ULK4: variants seen among roughly 807,000 people sequenced by gnomAD.
ULK4 encodes the protein unc-51 like kinase 4.
In ULK4, 133 loss-of-function variants were observed where a neutral mutation model predicts 160.6. The ratio of observed to expected loss-of-function variants is 0.83; its 90% confidence interval spans 0.72 to 0.96. The LOEUF is 0.96. Among genes scored for constraint, ULK4 ranks in the 40% least tolerant of loss-of-function variants. The pLI is 0.00. For synonymous variants in ULK4, 534 were observed against 539.8 expected, an observed-to-expected ratio of 0.99 and a Z score of 0.15; for missense variants, 1,580 against 1,499.5, an observed-to-expected ratio of 1.05 and a Z score of -0.89.
chr3:41,686,729 G>C (rs546721947), intron 27 of ULK4, among the ~76,000 whole-genome samples: 1 of 152,106 alleles, frequency 6.6e-6, no homozygotes, highest in Admixed American at 6.6e-5. Context: ...AAGAGAGAAC[G>C]GCTCCAAGGG....
At chr3:41,754,834 TG>T (rs1245835495) in intron 21 of ULK4, among the ~76,000 whole-genome samples, 1 of 152,176 alleles carries the variant, frequency 6.6e-6, no homozygotes, top group African/African-American at 2.4e-5. Context: ...ACTGGAAATG[TG>T]GCAGCAAATA....
At chr3:41,847,567 C>A (rs1291977607) in intron 17 of ULK4, among the ~76,000 whole-genome samples, 2 of 152,096 alleles carry the variant, frequency 1.3e-5, no homozygotes, top group Non-Finnish European at 2.9e-5. Flanking sequence ...CTTCCCTAAC[C>A]CCTGAAATAA....
At chr3:41,379,612 A>T (rs1002464042) in intron 35 of ULK4, among the ~76,000 whole-genome samples, 1 of 152,190 alleles carries the variant, frequency 6.6e-6, no homozygotes, top group African/African-American at 2.4e-5. Flanking sequence ...GATCTATGAC[A>T]TACGTTTGGG....
intron 17 of ULK4, among the ~76,000 whole-genome samples, chr3:41,874,673 T>C (rs527636135): frequency 2.0e-5 from 3 of 152,248 alleles, no homozygotes; most frequent in Admixed American, 2.0e-4. Context: ...TGCAAAGGTA[T>C]ACAGAATGGT....
At chr3:41,425,187 A>G (rs775025154) in intron 34 of ULK4, among the ~76,000 whole-genome samples, 1 of 152,192 alleles carries the variant, frequency 6.6e-6, no homozygotes, top group Non-Finnish European at 1.5e-5. Context: ...CAAGCAGAGG[A>G]AAGAATTTCA....
rs532428886 is a variant in ULK4, at chr3:41,312,819, C to CAA, written c.3679-63247_3679-63246dup. Among the ~76,000 whole-genome samples the CAA allele has an allele frequency of 3.2e-3, 493 of 152,084 alleles. 3 individuals carry two copies. The highest frequency in any genetic ancestry group is 0.011 in the African/African-American group (462 of 41,490). The stretch of plus-strand genomic sequence containing the variant: ...TGAGACCCTGTCTCAAAAACAAAAA[C>CAA]AAAAACTAATCAACCAAACAAAAAA... On this transcript the variant is annotated intron_variant, in intron 35 of 36. Transcript: ENST00000301831.
At chr3:41,629,529 A>T (rs2033664382) in intron 30 of ULK4, among the ~76,000 whole-genome samples, 1 of 152,162 alleles carries the variant, frequency 6.6e-6, no homozygotes, top group South Asian at 2.1e-4. Context: ...TGCGCAAGTT[A>T]TGAAGGCAGT....
At chr3:41,747,732 T>C (rs572671596) in intron 22 of ULK4, among the ~76,000 whole-genome samples, 7 of 152,164 alleles carry the variant, frequency 4.6e-5, no homozygotes, top group Admixed American at 1.3e-4. Flanking sequence ...AAAGACACCA[T>C]GAGTGCACAC....
intron 30 of ULK4, among the ~76,000 whole-genome samples, chr3:41,620,902 G>A (rs918006212): frequency 5.9e-5 from 9 of 152,146 alleles, no homozygotes. Flanking sequence ...TAAGCTGATA[G>A]CAACTTCAGC....
intron 17 of ULK4, among the ~76,000 whole-genome samples, chr3:41,852,845 A>G (rs2042250021): frequency 6.6e-6 from 1 of 152,180 alleles, no homozygotes; most frequent in Non-Finnish European, 1.5e-5. Flanking sequence ...TCAAGGATAT[A>G]TGAATAAGAA....
At chr3:41,916,142 T>C (rs570720411) in intron 7 of ULK4, 90 bp from the exon 8 acceptor site, 54 of 813,342 alleles carry the variant, frequency 6.6e-5, no homozygotes, top group African/African-American at 1.6e-4. Flanking sequence ...TTTAAAGCAA[T>C]AGTATTTTAA....
intron 19 of ULK4, among the ~76,000 whole-genome samples, chr3:41,803,486 A>T (rs995950097): frequency 4.0e-5 from 6 of 151,528 alleles, no homozygotes; most frequent in African/African-American, 9.7e-5. Flanking sequence ...TTTCTTTTTT[A>T]TTATTATTAT....
chr3:41,836,870 A>G (rs141411410), intron 17 of ULK4, among the ~76,000 whole-genome samples: 16 of 152,294 alleles, frequency 1.1e-4, no homozygotes, highest in African/African-American at 3.8e-4. Context: ...AACACAGGTT[A>G]ATCAAATCAT....
chr3:41,725,288 C>G (rs1264173540), intron 22 of ULK4, among the ~76,000 whole-genome samples: 1 of 152,168 alleles, frequency 6.6e-6, no homozygotes, highest in Non-Finnish European at 1.5e-5. Flanking sequence ...ATCTTTGGTA[C>G]AGTACAGCTT....
At chr3:41,554,628 A>T (rs1184485714) in intron 32 of ULK4, among the ~76,000 whole-genome samples, 6 of 152,166 alleles carry the variant, frequency 3.9e-5, no homozygotes, top group Non-Finnish European at 2.9e-5. Flanking sequence ...GGAAGGAATA[A>T]GTTCGGTGGT....
chr3:41,469,503 C>T (rs147932396), intron 32 of ULK4, among the ~76,000 whole-genome samples: 3 of 149,414 alleles, frequency 2.0e-5, no homozygotes, highest in Non-Finnish European at 4.4e-5. Context: ...AGCAGCCCAG[C>T]CATCTAGAGA....
At chr3:41,289,121 C>T (rs372504934) in intron 35 of ULK4, among the ~76,000 whole-genome samples, 19 of 152,310 alleles carry the variant, frequency 1.2e-4, no homozygotes, top group Middle Eastern at 3.4e-3. Flanking sequence ...GCCTCCCATA[C>T]ATTTTAAAAT....
At chr3:41,712,444 C>T (rs1429535200) in intron 25 of ULK4, among the ~76,000 whole-genome samples, 1 of 152,164 alleles carries the variant, frequency 6.6e-6, no homozygotes, top group African/African-American at 2.4e-5. Context: ...GATACAGCTT[C>T]TAAAAGTGGA....
intron 19 of ULK4, among the ~76,000 whole-genome samples, chr3:41,801,401 TG>T (rs2040456358): frequency 6.6e-6 from 1 of 151,908 alleles, no homozygotes; most frequent in African/African-American, 2.4e-5. Flanking sequence ...GTTGGAAAAA[TG>T]CTTGAAATAT....
Sources: gnomAD v4.1 joint callset for allele counts (sites outside exome capture counted in the v4.1 genomes callset) on GRCh38, gnomAD v4.1.1 for gene constraint, MANE v1.5 for transcripts, NCBI Gene and HGNC (gene_info 2026-07-23, HGNC 2026-07-21) for gene names.